NOP53: variants seen among roughly 807,000 people sequenced by gnomAD.
The protein encoded by NOP53 is ribosome biogenesis protein NOP53.
NOP53 carries 40 observed loss-of-function variants against 61.0 expected under a neutral mutation model. That is an observed-to-expected ratio of 0.66 (90% CI 0.51 to 0.85). NOP53 has a LOEUF of 0.85. Among genes scored for constraint, NOP53 ranks in the 40% least tolerant of loss-of-function variants. The pLI, the probability that NOP53 is intolerant of heterozygous loss-of-function variation, is 0.00. For synonymous variants in NOP53, 308 were observed against 289.5 expected, an observed-to-expected ratio of 1.06 and a Z score of -0.65; for missense variants, 689 against 652.9, an observed-to-expected ratio of 1.06 and a Z score of -0.60.
Position 47,756,750 on chromosome 19 carries a change from TC to T in NOP53, c.1430+8del. 6.2e-7 allele frequency: 1 copy of T among 1,612,824 alleles called. No homozygotes were observed. The highest frequency in any genetic ancestry group is 1.1e-5 in the South Asian group (1 of 91,046). The stretch of plus-strand genomic sequence containing the variant: ...CGGGCGTTCCGTGAGATCCAGTGAG[TC>T]CACCCGGCTTCGGCGCAAGGAAGGG... On this transcript the variant is annotated splice_region_variant and intron_variant, in intron 12 of 12. Transcript: ENST00000246802.
rs994568783 is a variant in NOP53, at chr19:47,754,835, A to G, written c.997A>G (p.Thr333Ala). 17 of 1,541,242 alleles carry G rather than the reference A, an allele frequency of 1.1e-5. No homozygotes were observed. The highest frequency in any genetic ancestry group is 1.5e-5 in the Non-Finnish European group (17 of 1,151,442). ...CTGTCCCACGCCCGCCCGCCTGGCC[A>G]CCACAGAGAAGAAGACGGAGCAGCA... ...EVCPTPARLATTEKKTEQQRR... is the reference protein window; with the variant it reads ...EVCPTPARLAATEKKTEQQRR... The change falls in exon 8 of 13, where the codon ACC becomes GCC. Residue 333 changes from threonine (T) to alanine (A), a missense_variant. Transcript: ENST00000246802. The surrounding 1 kb of genome is among the most constrained non-coding windows in gnomAD (Gnocchi z 4.2).
rs748772854 is a variant in NOP53 at position 47,752,512 on chromosome 19, C to G, written c.670C>G (p.Arg224Gly). 6.3e-7 allele frequency: 1 copy of G among 1,593,426 alleles called. No homozygotes were observed. Among genetic ancestry groups the G allele is most frequent in the Non-Finnish European group, 8.6e-7 (1 of 1,167,934 alleles). The part of the protein sequence containing the change: ...LEQTKKKGVK[R>G]PARLHTKPSQ... Reference sequence around the variant, plus strand: ...CCCTGCCTCGGCCTTTTCTCCACAGCGGCCAGCACGCCTGCACACCAAGCC... The same window carrying G: ...CCCTGCCTCGGCCTTTTCTCCACAGGGGCCAGCACGCCTGCACACCAAGCC... Residue 224 changes from arginine (R) to glycine (G), a missense_variant and splice_region_variant, in exon 6 of 13, where the codon CGG (arginine) becomes GGG (glycine). Arg to Gly is a moderately radical substitution (Grantham distance 125, BLOSUM62 -2). Transcript: ENST00000246802.
At position 47,757,005 on chromosome 19, in the gene NOP53, G is replaced by T; in HGVS notation, c.1437G>T (p.Ter479TyrextTer?). 1 of 1,614,144 alleles carries T rather than the reference G, an allele frequency of 6.2e-7. No homozygotes were observed. Among genetic ancestry groups the T allele is most frequent in the Non-Finnish European group, 8.5e-7 (1 of 1,179,972 alleles). ...EKRAFREIQL[*>Y] ...TCCTTTCCTCTGTCCCCAGGTTGTA[G>T]CTGCCATCAGATGCCGGAGACTCGC... The change falls in exon 13 of 13, where the codon TAG becomes TAT. Residue 479 changes from the stop codon to tyrosine, a stop_lost. Coordinates refer to ENST00000246802, the MANE Select transcript of NOP53 (RefSeq NM_015710.5).
At chr19:47,745,818 T>C in intron 1 of NOP53, 35 bp downstream of exon 1, 1 of 1,250,512 alleles carries the variant, frequency 8.0e-7, no homozygotes, top group Non-Finnish European at 1.0e-6. Context: ...GGTGGGACGG[T>C]TCCTGCGCCC....
chr19:47,745,554 G>A lies in NOP53; in HGVS notation c.-6G>A, dbSNP rs754441565. 9.3e-6 allele frequency: 15 copies of A among 1,612,934 alleles called. No individual in the cohort carries two copies. The highest frequency in any genetic ancestry group is 2.7e-5 in the African/African-American group (2 of 74,906). ...ACGCCAGTGGCTGAGTTCTTCCTTT[G>A]ACAAGATGGCGGCAGGAGGCAGTGG... is the stretch of plus-strand genomic sequence containing the variant. On this transcript the variant is annotated 5_prime_UTR_variant, in exon 1 of 13. Coordinates refer to ENST00000246802, the MANE Select transcript of NOP53 (RefSeq NM_015710.5).
At chr19:47,749,586 G>A (rs1466224352) in intron 2 of NOP53, among the ~76,000 whole-genome samples, 1 of 151,646 alleles carries the variant, frequency 6.6e-6, no homozygotes, top group African/African-American at 2.4e-5. Context: ...GCTTTTAACT[G>A]TTAGGCTTTT....
chr19:47,750,295 C>T lies in NOP53; in HGVS notation c.398+9C>T, dbSNP rs780712900. The T allele has an allele frequency of 1.3e-6, 2 of 1,500,052 alleles. No homozygotes were observed. Among genetic ancestry groups the T allele is most frequent in the South Asian group, 1.1e-5 (1 of 88,926 alleles). The allele number at this position is 1,500,052 out of a possible 1,614,324, so 92.9% of individuals were successfully genotyped here. A position where few individuals can be genotyped will look rare whatever the true frequency, so the allele number is the denominator to read the frequency against. ...GTCCCTGCCCCCAAAGAGTGAGTGT[C>T]CCAGCATCCCTGGGCCCTTCTTTCC... is the stretch of plus-strand genomic sequence containing the variant. On this transcript the variant is annotated intron_variant, in intron 3 of 12. Coordinates refer to ENST00000246802, the MANE Select transcript of NOP53 (RefSeq NM_015710.5).
intron 5 of NOP53, among the ~76,000 whole-genome samples, 197 bp from the exon 6 acceptor site, chr19:47,752,315 A>T (rs184126911): frequency 6.6e-6 from 1 of 152,218 alleles, no homozygotes; most frequent in African/African-American, 2.4e-5. Context: ...TCCGGGGCTC[A>T]GCCTCGTGGG....
rs1967110728 is a variant in NOP53, at chr19:47,750,431, G to A, written c.398+145G>A. 1.8e-5 allele frequency: 11 copies of A among 622,942 alleles called. No homozygotes were observed. In the South Asian group the frequency reaches 1.9e-4, roughly 10 times the overall value. 38.6% of individuals were successfully genotyped at this position (622,942 alleles called of 1,614,324 possible). A position where few individuals can be genotyped will look rare whatever the true frequency, so the allele number is the denominator to read the frequency against. ...GCTTCGGAGTGCAGATTAGAGGGAG[G>A]GAGTCTGGGTGCCCTGGTGCTGGGC... On this transcript the variant is annotated intron_variant, in intron 3 of 12. Coordinates refer to ENST00000246802, the MANE Select transcript of NOP53 (RefSeq NM_015710.5).
In NOP53 at chr19:47,751,118, C is replaced by T. The variant is rs1232247846; in HGVS notation, c.598+11C>T. The T allele has an allele frequency of 1.9e-6, 3 of 1,596,408 alleles. No homozygotes were observed. Among genetic ancestry groups the T allele is most frequent in the Non-Finnish European group, 2.6e-6 (3 of 1,170,978 alleles). ...TCTGGGCCTCAGACAGTGAGTGATC[C>T]TGCTGTCACCTATGAATGGGGACAG... On this transcript the variant is annotated intron_variant, in intron 4 of 12. Coordinates refer to ENST00000246802, the MANE Select transcript of NOP53 (RefSeq NM_015710.5).
chr19:47,752,272 A>AC (rs1387466124), intron 5 of NOP53, among the ~76,000 whole-genome samples: 1 of 152,088 alleles, frequency 6.6e-6, no homozygotes, highest in Non-Finnish European at 1.5e-5. Flanking sequence ...GAGCTGCTGG[A>AC]CCCCAAGTGT....
intron 9 of NOP53, 92 bp from the exon 10 acceptor site, chr19:47,755,664 C>G: frequency 7.3e-7 from 1 of 1,372,724 alleles, no homozygotes; most frequent in Non-Finnish European, 1.0e-6. Context: ...CCCACATTCT[C>G]AGAGGCCCCT....
chr19:47,754,183 A>T lies in NOP53; in HGVS notation c.766-344A>T, dbSNP rs12611222. ...TAGTAGCTACTCGGGAGGCTGAGGC[A>T]GGAGAATCGCTTGAACCCAGGAGGC... On this transcript the variant is annotated intron_variant, in intron 6 of 12. Transcript: ENST00000246802. The surrounding 1 kb of genome is among the most constrained non-coding windows in gnomAD (Gnocchi z 4.2). 112,557 of 239,072 alleles carry T rather than the reference A, an allele frequency of 0.47. 30,274 individuals carry two copies. The highest frequency in any genetic ancestry group is 0.61 in the South Asian group (5,656 of 9,288). 14.8% of individuals were successfully genotyped at this position (239,072 alleles called of 1,614,324 possible). A position where few individuals can be genotyped will look rare whatever the true frequency, so the allele number is the denominator to read the frequency against.
In NOP53 at chr19:47,755,842, G is replaced by A. The variant is rs778507541; in HGVS notation, c.1296+20G>A. On this transcript the variant is annotated intron_variant, in intron 10 of 12. Transcript: ENST00000246802. The stretch of plus-strand genomic sequence containing the variant: ...CTGAAGGTGCTCACTGTGTCCTGCC[G>A]TGGAGCCCCGTGCCCAGTGATGACA... 12 of 1,586,794 alleles carry A rather than the reference G, an allele frequency of 7.6e-6. No homozygotes were observed. In the East Asian group the frequency reaches 1.6e-4, roughly 21 times the overall value.
chr19:47,750,777 G>A (rs750982674), intron 3 of NOP53, 131 bp from the exon 4 acceptor site: 37 of 729,220 alleles, frequency 5.1e-5, no homozygotes, highest in Non-Finnish European at 7.6e-5. Context: ...AAGAGGGGGC[G>A]GAGTGCCACC....
At chr19:47,752,820 C>T (rs929055794) in intron 6 of NOP53, 4 of 534,824 alleles carry the variant, frequency 7.5e-6, no homozygotes, top group African/African-American at 3.8e-5. Flanking sequence ...CCTGGCCCAG[C>T]CTGGGGGGTC....
intron 2 of NOP53, among the ~76,000 whole-genome samples, chr19:47,749,545 C>T (rs978426219): frequency 2.6e-5 from 4 of 152,076 alleles, no homozygotes; most frequent in Non-Finnish European, 5.9e-5. Context: ...GGGTGTTATT[C>T]CATTCTAGAG....
In NOP53 at chr19:47,755,128, G is replaced by T. The variant is rs868761192; in HGVS notation, c.1054-220G>T. On this transcript the variant is annotated intron_variant, in intron 8 of 12. Coordinates refer to ENST00000246802, the MANE Select transcript of NOP53 (RefSeq NM_015710.5). ...GGCGCTTCTGTTTGAGGGGCGGGGTGGGGGGAGGTTTCTGCACCGCAGACC... is the reference window on the plus strand; with the variant it reads ...GGCGCTTCTGTTTGAGGGGCGGGGTTGGGGGAGGTTTCTGCACCGCAGACC... 8.6e-5 allele frequency among the ~76,000 whole-genome samples: 13 copies of T among 151,914 alleles called. No homozygotes were observed. In the South Asian group the frequency reaches 1.0e-3, roughly 12 times the overall value.
chr19:47,754,277 C>G lies in NOP53; in HGVS notation c.766-250C>G, dbSNP rs1024177874. 12 of 424,604 alleles carry G rather than the reference C, an allele frequency of 2.8e-5. No individual in the cohort carries two copies. The highest frequency in any genetic ancestry group is 2.0e-4 in the South Asian group (5 of 24,968). 26.3% of individuals were successfully genotyped at this position (424,604 alleles called of 1,614,324 possible). On this transcript the variant is annotated intron_variant, in intron 6 of 12. Transcript: ENST00000246802. This position sits in a 1 kb window ranked among gnomAD's most constrained non-coding sequence, Gnocchi z 4.2. Reference sequence around the variant, plus strand: ...GGGCAACAAGACAGAAACTCTATCTCAAAAAAAAAATGTGAAGCGTGCAGG... The same window carrying G: ...GGGCAACAAGACAGAAACTCTATCTGAAAAAAAAAATGTGAAGCGTGCAGG...
Sources: gnomAD v4.1 joint callset for allele counts (sites outside exome capture counted in the v4.1 genomes callset) on GRCh38, gnomAD v4.1.1 for gene constraint, Gnocchi (gnomAD v3.1) non-coding constraint, MANE v1.5 for transcripts, NCBI Gene and HGNC (gene_info 2026-07-23, HGNC 2026-07-21) for gene names.